YKT6: variants seen among roughly 807,000 people sequenced by gnomAD.
YKT6 encodes the protein synaptobrevin homolog YKT6.
In YKT6, 12 loss-of-function variants were observed where a neutral mutation model predicts 29.3. The observed-to-expected ratio is 0.41, with a 90% CI of 0.26 to 0.66. The LOEUF is 0.66. Ranked by LOEUF, YKT6 falls within the 30% of genes least tolerant of loss-of-function variation. The pLI, the probability that YKT6 is intolerant of heterozygous loss-of-function variation, is 0.32. For synonymous variants in YKT6, 86 were observed against 94.3 expected (o/e 0.91, Z 0.51); for missense variants, 188 against 243.8 (o/e 0.77, Z 1.52).
chr7:44,202,911 C>A (rs1562741293), intron 1 of YKT6, among the ~76,000 whole-genome samples: 1 of 152,108 alleles, frequency 6.6e-6, no homozygotes. Flanking sequence ...GCCAACTTGG[C>A]TCTGATTCTT....
intron 2 of YKT6, among the ~76,000 whole-genome samples, chr7:44,204,984 C>CT (rs771654999): frequency 4.6e-5 from 7 of 152,338 alleles, no homozygotes; most frequent in Middle Eastern, 3.4e-3. Context: ...TGTTGAGGTA[C>CT]TATATGTATT....
intron 1 of YKT6, 126 bp from the exon 2 acceptor site, chr7:44,204,442 A>G: frequency 1.3e-6 from 1 of 744,050 alleles, no homozygotes; most frequent in Admixed American, 2.5e-5. Context: ...GTTACTAGGG[A>G]TGGGAGGGAA....
chr7:44,210,671 C>T (rs2096345729), intron 5 of YKT6: 2 of 350,274 alleles, frequency 5.7e-6, no homozygotes, highest in South Asian at 2.1e-5. Context: ...TGCACACGCA[C>T]ATGTGCGTGC....
chr7:44,207,524 T>C (rs770004205), intron 4 of YKT6, 32 bp downstream of exon 4: 1 of 1,597,668 alleles, frequency 6.3e-7, no homozygotes, highest in East Asian at 2.2e-5. Context: ...GCAGACACCA[T>C]GTGGCCCAGA....
At chr7:44,201,991 G>A (rs533874349) in intron 1 of YKT6, among the ~76,000 whole-genome samples, 1 of 152,168 alleles carries the variant, frequency 6.6e-6, no homozygotes, top group African/African-American at 2.4e-5. Context: ...TTTCTGGGGC[G>A]CTTTAATTGC....
At position 44,211,910 on chromosome 7, in the gene YKT6, A is replaced by G. The variant is rs545408807; in HGVS notation, c.562-337A>G. Among the ~76,000 whole-genome samples the G allele has an allele frequency of 9.2e-5, 14 of 152,342 alleles. No homozygotes were observed. In the South Asian group the frequency reaches 2.7e-3, roughly 29 times the overall value. ...GTGAAGACAGGAGTGGGGCAAAGTT[A>G]AGATATTCTGCCAATCCCATTTGTA... On this transcript the variant is annotated intron_variant, in intron 6 of 6. Transcript: ENST00000223369.
chr7:44,206,243 C>G (rs1206785646), intron 2 of YKT6, 142 bp from the exon 3 acceptor site: 5 of 767,140 alleles, frequency 6.5e-6, no homozygotes. Flanking sequence ...GCTGCTAAGC[C>G]TCTCCACAAG....
intron 1 of YKT6, among the ~76,000 whole-genome samples, chr7:44,203,221 G>A (rs1482390374): frequency 1.3e-5 from 2 of 152,134 alleles, no homozygotes; most frequent in African/African-American, 2.4e-5. Flanking sequence ...AGCCTCCCAA[G>A]TAGCTGGGAT....
At chr7:44,202,895 T>C (rs1337717983) in intron 1 of YKT6, among the ~76,000 whole-genome samples, 1 of 152,216 alleles carries the variant, frequency 6.6e-6, no homozygotes, top group African/African-American at 2.4e-5. Flanking sequence ...AGATGGAACT[T>C]TTGGTGCCAA....
chr7:44,204,707 C>A, intron 2 of YKT6, 57 bp downstream of exon 2: 1 of 1,548,356 alleles, frequency 6.5e-7, no homozygotes, highest in Non-Finnish European at 8.9e-7. Context: ...TGCCTCACCT[C>A]ACATAGCACC....
rs1014962983 is a variant in YKT6 at position 44,207,428 on chromosome 7, G to A, written c.329G>A (p.Trp110Ter). The change falls in exon 4 of 7, where the codon TGG becomes TAG. Residue 110 changes from tryptophan (W) to a stop codon, truncating the protein, a stop_gained. Coordinates refer to ENST00000223369, the MANE Select transcript of YKT6 (RefSeq NM_006555.4). LOFTEE classifies it high-confidence loss of function. ...EFSKQVDRIDWPVGSPATIHY... is the reference protein window; with the variant it reads ...EFSKQVDRID ...TCCAAGCAAGTCGACAGGATAGACT[G>A]GCCAGTAGGATCCCCTGCTACAATC... is the stretch of plus-strand genomic sequence containing the variant. 6.2e-7 allele frequency: 1 copy of A among 1,613,942 alleles called. No homozygotes were observed. Among genetic ancestry groups the A allele is most frequent in the Non-Finnish European group, 8.5e-7 (1 of 1,179,988 alleles).
chr7:44,209,297 A>C (rs1363876933), intron 5 of YKT6, among the ~76,000 whole-genome samples: 2 of 152,230 alleles, frequency 1.3e-5, no homozygotes, highest in African/African-American at 4.8e-5. Context: ...AAAGCATCCC[A>C]GGGGCTTCAA....
intron 5 of YKT6, 101 bp from the exon 6 acceptor site, chr7:44,210,922 A>G (rs2096346104): frequency 1.7e-6 from 2 of 1,186,882 alleles, no homozygotes; most frequent in Admixed American, 3.6e-5. Context: ...TGTGTTGGAG[A>G]GGAACCCAGG....
chr7:44,212,145 C>A, intron 6 of YKT6, 102 bp from the exon 7 acceptor site: 1 of 1,424,374 alleles, frequency 7.0e-7, no homozygotes, highest in Non-Finnish European at 9.9e-7. Flanking sequence ...GTTTCTCTGC[C>A]TGGCTGTGTC....
At chr7:44,211,490 T>G (rs2096346803) in intron 6 of YKT6, 1 of 982,724 alleles carries the variant, frequency 1.0e-6, no homozygotes, top group Non-Finnish European at 1.2e-6. Context: ...GACATAAGTC[T>G]TTAAGATGCA....
In YKT6 at chr7:44,212,444, C is replaced by T. The variant is rs1284374995; in HGVS notation, c.*162C>T. The T allele has an allele frequency of 8.1e-6, 7 of 866,158 alleles. No individual in the cohort carries two copies. Among genetic ancestry groups the T allele is most frequent in the Admixed American group, 4.8e-5 (2 of 41,770 alleles). 53.7% of individuals were successfully genotyped at this position (866,158 alleles called of 1,614,324 possible). ...CGAGAAATGGATGGTGGAAGGGTGGCGAATGTTCAAATTCATATGTGTGGT... is the reference window on the plus strand; with the variant it reads ...CGAGAAATGGATGGTGGAAGGGTGGTGAATGTTCAAATTCATATGTGTGGT... On this transcript the variant is annotated 3_prime_UTR_variant, in exon 7 of 7. Transcript: ENST00000223369.
Position 44,201,246 on chromosome 7 carries a change from G to A in YKT6, c.104+7G>A. On this transcript the variant is annotated splice_region_variant and intron_variant, in intron 1 of 6. Coordinates refer to ENST00000223369, the MANE Select transcript of YKT6 (RefSeq NM_006555.4). ...GCTTTTTCCAGAGATCCAGGTGAGC[G>A]GCACAGGCTGGTGGGCCGTGGCGGT... 2 of 1,610,036 alleles carry A rather than the reference G, an allele frequency of 1.2e-6. No homozygotes were observed. Among genetic ancestry groups the A allele is most frequent in the Non-Finnish European group, 8.5e-7 (1 of 1,177,934 alleles).
At chr7:44,207,282 G>A (rs754386963) in intron 3 of YKT6, 106 bp from the exon 4 acceptor site, 12 of 856,386 alleles carry the variant, frequency 1.4e-5, no homozygotes, top group Non-Finnish European at 2.2e-5. Context: ...GGCTGTGAAG[G>A]CCAAGGAGCC....
intron 6 of YKT6, among the ~76,000 whole-genome samples, 164 bp from the exon 7 acceptor site, chr7:44,212,083 G>C (rs2096347415): frequency 6.6e-6 from 1 of 152,176 alleles, no homozygotes; most frequent in South Asian, 2.1e-4. Context: ...GATGGGAATT[G>C]CTTGTGGACA....
Sources: gnomAD v4.1 joint callset for allele counts (sites outside exome capture counted in the v4.1 genomes callset) on GRCh38, gnomAD v4.1.1 for gene constraint, MANE v1.5 for transcripts, NCBI Gene and HGNC (gene_info 2026-07-23, HGNC 2026-07-21) for gene names.